RNLS: variants seen among roughly 807,000 people sequenced by gnomAD.
RNLS encodes the protein renalase.
RNLS carries 39 observed loss-of-function variants against 39.8 expected under a neutral mutation model. The observed-to-expected ratio is 0.98, with a 90% CI of 0.76 to 1.28. The LOEUF is 1.28. RNLS is among the 50% of genes most tolerant of loss of function. The pLI, the probability that RNLS is intolerant of heterozygous loss-of-function variation, is 0.00. For missense variants in RNLS, 410 were observed against 413.3 expected (o/e 0.99, Z 0.07); for synonymous variants, 147 against 150.7 (o/e 0.98, Z 0.18).
the RNLS span, among the ~76,000 whole-genome samples, chr10:88,217,609 GA>G: frequency 1.3e-5 from 2 of 151,952 alleles, no homozygotes; most frequent in African/African-American, 2.4e-5. Flanking sequence ...GCTAGAAAGA[GA>G]AACTTGTAGA....
chr10:88,197,630 C>A, the RNLS span, among the ~76,000 whole-genome samples: 8 of 152,126 alleles, frequency 5.3e-5, no homozygotes, highest in African/African-American at 1.9e-4. Flanking sequence ...TGAATTGTTT[C>A]CCCCTCAAAT....
At chr10:88,392,757 A>C (rs1852284637) in intron 4 of RNLS, among the ~76,000 whole-genome samples, 1 of 152,236 alleles carries the variant, frequency 6.6e-6, no homozygotes, top group African/African-American at 2.4e-5. Flanking sequence ...ACATTCAAAG[A>C]AACTAAAAGT....
intron 4 of RNLS, among the ~76,000 whole-genome samples, chr10:88,365,838 T>C (rs1394560466): frequency 2.6e-5 from 4 of 152,086 alleles, no homozygotes; most frequent in Non-Finnish European, 5.9e-5. Context: ...GCTGTACTCC[T>C]GAATAACACT....
intron 4 of RNLS, among the ~76,000 whole-genome samples, chr10:88,426,238 C>T (rs1349079296): frequency 6.6e-6 from 1 of 152,046 alleles, no homozygotes; most frequent in African/African-American, 2.4e-5. Flanking sequence ...GAAGGTCATA[C>T]CATGTCAAAC....
In RNLS at chr10:88,324,159, G is replaced by A. The variant is rs975724277; in HGVS notation, c.701-9518C>T. On this transcript the variant is annotated intron_variant, in intron 5 of 6. Transcript: ENST00000331772. ...GAACGTAAATTAGTTTAACCCCTAC[G>A]GAAAACGGTATGGAGATTTCACAAG... Among the ~76,000 whole-genome samples the A allele has an allele frequency of 1.1e-4, 17 of 152,114 alleles. No homozygotes were observed. The Middle Eastern group carries it at 0.01, about 91-fold the overall frequency.
intron 4 of RNLS, among the ~76,000 whole-genome samples, chr10:88,559,295 C>A (rs188254078): frequency 6.6e-6 from 1 of 152,250 alleles, no homozygotes; most frequent in East Asian, 1.9e-4. Flanking sequence ...AACAACATTT[C>A]TCAAAGTCTT....
At chr10:88,204,608 A>C in the RNLS span, among the ~76,000 whole-genome samples, 7 of 152,180 alleles carry the variant, frequency 4.6e-5, no homozygotes, top group Non-Finnish European at 8.8e-5. Context: ...CTTATGCTAA[A>C]TCTTTTGCAA....
chr10:88,492,421 C>CTT lies in RNLS; in HGVS notation c.526+80480_526+80481dup, dbSNP rs35806120. Among the ~76,000 whole-genome samples the CTT allele has an allele frequency of 3.7e-3, 494 of 131,966 alleles. 6 individuals are homozygous for CTT. Among genetic ancestry groups the CTT allele is most frequent in the South Asian group, 0.015 (64 of 4,244 alleles). The allele number at this position is 131,966 out of a possible 152,430, so 86.6% of individuals were successfully genotyped here. A position where few individuals can be genotyped will look rare whatever the true frequency, so the allele number is the denominator to read the frequency against. On this transcript the variant is annotated intron_variant, in intron 4 of 6. Transcript: ENST00000331772. ...CTGCTTTTTAATTTTTTTTCTTTTT[C>CTT]TTTTTTTTTTTTTTTGAGACAGAGT...
rs1843132871 is a variant in RNLS, at chr10:88,284,384, G to T, written c.*970C>A. On this transcript the variant is annotated 3_prime_UTR_variant, in exon 7 of 7. Coordinates refer to ENST00000331772, the MANE Select transcript of RNLS (RefSeq NM_001031709.3). ...CTTTTCAAATTAGCAACAGGTAGCT[G>T]GTTTGGAAGGCTGGAGATTGATTTC... 1 of 985,360 alleles carries T rather than the reference G, an allele frequency of 1.0e-6. No individual in the cohort carries two copies. The highest frequency in any genetic ancestry group is 1.2e-6 in the Non-Finnish European group (1 of 829,902). The allele number at this position is 985,360 out of a possible 1,614,324, so 61.0% of individuals were successfully genotyped here.
chr10:88,514,393 C>T (rs1324924214), intron 4 of RNLS, among the ~76,000 whole-genome samples: 1 of 152,062 alleles, frequency 6.6e-6, no homozygotes, highest in Non-Finnish European at 1.5e-5. Flanking sequence ...ATGGGGATTA[C>T]AATTTGAAAT....
At chr10:88,192,448 G>A in the RNLS span, among the ~76,000 whole-genome samples, 2 of 152,182 alleles carry the variant, frequency 1.3e-5, no homozygotes, top group Admixed American at 1.3e-4. Context: ...GAAAATCTGG[G>A]TTGATCAAAG....
chr10:88,435,658 T>C lies in RNLS; in HGVS notation c.527-72933A>G, dbSNP rs1855428860. 2.6e-5 allele frequency among the ~76,000 whole-genome samples: 4 copies of C among 152,160 alleles called. No individual in the cohort carries two copies. The South Asian group carries it at 8.3e-4, about 32-fold the overall frequency. ...CACAAAAACTATCTCAATAGATAGCTGGATAGCAAAAGGGACACAGCTGCA... is the reference window on the plus strand; with the variant it reads ...CACAAAAACTATCTCAATAGATAGCCGGATAGCAAAAGGGACACAGCTGCA... On this transcript the variant is annotated intron_variant, in intron 4 of 6. Coordinates refer to ENST00000331772, the MANE Select transcript of RNLS (RefSeq NM_001031709.3).
the RNLS span, among the ~76,000 whole-genome samples, chr10:88,203,278 ATATATATATATACGTATG>A: frequency 6.2e-4 from 12 of 19,330 alleles, 2 homozygotes; most frequent in East Asian, 6.8e-4. Context: ...GTATATATAT[ATATATATATATACGTATG>A]TATATATATA....
At chr10:88,371,512 G>C (rs1850557098) in intron 4 of RNLS, among the ~76,000 whole-genome samples, 2 of 152,190 alleles carry the variant, frequency 1.3e-5, no homozygotes, top group South Asian at 4.2e-4. Context: ...AATAATTTTT[G>C]AAAAATTAAC....
chr10:88,405,526 C>T (rs1358846731), intron 4 of RNLS, among the ~76,000 whole-genome samples: 1 of 152,008 alleles, frequency 6.6e-6, no homozygotes, highest in Non-Finnish European at 1.5e-5. Flanking sequence ...CCCCTGCTTG[C>T]TTTTGGTGTC....
At chr10:88,308,820 A>G (rs1210306847) in intron 6 of RNLS, among the ~76,000 whole-genome samples, 1 of 152,214 alleles carries the variant, frequency 6.6e-6, no homozygotes, top group Non-Finnish European at 1.5e-5. Flanking sequence ...ACATGTACAC[A>G]TATGTTCATT....
intron 5 of RNLS, among the ~76,000 whole-genome samples, chr10:88,349,432 G>T (rs1025321814): frequency 2.0e-5 from 3 of 152,010 alleles, no homozygotes; most frequent in African/African-American, 4.8e-5. Flanking sequence ...TACAAAATGG[G>T]CTGGGTTATT....
intron 4 of RNLS, among the ~76,000 whole-genome samples, chr10:88,469,138 T>C (rs1193161492): frequency 6.6e-6 from 1 of 152,204 alleles, no homozygotes; most frequent in Non-Finnish European, 1.5e-5. Flanking sequence ...TAAAGCAGCA[T>C]GTCAGACACC....
intron 6 of RNLS, among the ~76,000 whole-genome samples, chr10:88,295,305 CCA>C (rs1425901534): frequency 2.6e-5 from 4 of 152,018 alleles, no homozygotes; most frequent in African/African-American, 4.8e-5. Flanking sequence ...TCTCTTTTGG[CCA>C]CAGATTTTTG....
Sources: allele counts gnomAD v4.1 joint callset (sites outside exome capture counted in the v4.1 genomes callset), GRCh38; gene constraint gnomAD v4.1.1; transcripts MANE v1.5; gene names NCBI Gene and HGNC (gene_info 2026-07-23, HGNC 2026-07-21).